SH3RF2: variants seen among roughly 807,000 people sequenced by gnomAD.
SH3RF2 encodes the protein SH3 domain containing ring finger 2, also known as E3 ubiquitin-protein ligase SH3RF2.
In SH3RF2, 43 loss-of-function variants were observed where a neutral mutation model predicts 59.0. That is an observed-to-expected ratio of 0.73 (90% confidence interval 0.57 to 0.94). The LOEUF is 0.94. Ranked by LOEUF, SH3RF2 falls within the 40% of genes least tolerant of loss-of-function variation. The pLI is 0.00. For missense variants in SH3RF2, 930 were observed against 940.1 expected (o/e 0.99, Z 0.14); for synonymous variants, 391 against 391.5 (o/e 1.00, Z 0.01).
At chr5:146,062,081 G>A (rs1175455037) in intron 9 of SH3RF2, among the ~76,000 whole-genome samples, 1 of 152,162 alleles carries the variant, frequency 6.6e-6, no homozygotes, top group African/African-American at 2.4e-5. Flanking sequence ...GAGAGGCAAG[G>A]TAAATTTCTT....
chr5:145,974,252 C>A (rs764557659), intron 2 of SH3RF2, among the ~76,000 whole-genome samples: 1 of 152,150 alleles, frequency 6.6e-6, no homozygotes, highest in Non-Finnish European at 1.5e-5. Context: ...GAGAGAGTGT[C>A]GAGCAAGACG....
chr5:146,049,006 T>G, intron 6 of SH3RF2, 69 bp from the exon 7 acceptor site: 1 of 1,563,002 alleles, frequency 6.4e-7, no homozygotes, highest in Non-Finnish European at 8.8e-7. Flanking sequence ...TCTCCACCAT[T>G]CCCCCACTCC....
intron 5 of SH3RF2, among the ~76,000 whole-genome samples, chr5:146,044,367 T>C (rs1762234485): frequency 6.6e-6 from 1 of 152,120 alleles, no homozygotes; most frequent in Non-Finnish European, 1.5e-5. Flanking sequence ...GTCAGGCTAG[T>C]CTCAAACTCC....
intron 5 of SH3RF2, among the ~76,000 whole-genome samples, chr5:146,023,089 T>A (rs1240823045): frequency 6.6e-6 from 1 of 152,136 alleles, no homozygotes; most frequent in African/African-American, 2.4e-5. Flanking sequence ...CCCTTAACCA[T>A]CTATACATTA....
chr5:146,013,808 A>G lies in SH3RF2; in HGVS notation c.806A>G (p.Lys269Arg). ...AAAGGTCGCCAGTCATCCCGCACAA[A>G]AAACCTGTCCCTGGTGTCCTCGTCC... Reference protein sequence around the residue: ...KNKGRQSSRTKNLSLVSSSSR... With the variant: ...KNKGRQSSRTRNLSLVSSSSR... The change falls in exon 5 of 10, where the codon AAA (lysine) becomes AGA (arginine). Residue 269 changes from lysine (K) to arginine (R), a missense_variant. Coordinates refer to ENST00000359120, the MANE Select transcript of SH3RF2 (RefSeq NM_152550.4). The G allele has an allele frequency of 6.2e-7, 1 of 1,614,128 alleles. No individual in the cohort carries two copies. Among genetic ancestry groups the G allele is most frequent in the Non-Finnish European group, 8.5e-7 (1 of 1,180,000 alleles).
intron 9 of SH3RF2, 84 bp from the exon 10 acceptor site, chr5:146,062,342 T>C: frequency 6.6e-7 from 1 of 1,506,832 alleles, no homozygotes; most frequent in Non-Finnish European, 9.0e-7. Context: ...AACACATAAA[T>C]GAGACATTTC....
At chr5:145,965,727 G>A (rs1459418383) in intron 2 of SH3RF2, among the ~76,000 whole-genome samples, 1 of 152,108 alleles carries the variant, frequency 6.6e-6, no homozygotes, top group Non-Finnish European at 1.5e-5. Context: ...AGACGACTAG[G>A]CCATTGGGTA....
intron 4 of SH3RF2, among the ~76,000 whole-genome samples, chr5:146,010,499 T>C (rs1237857631): frequency 6.6e-6 from 1 of 152,164 alleles, no homozygotes; most frequent in Admixed American, 6.5e-5. Flanking sequence ...CCAACAACAG[T>C]GTAAAAGTGT....
intron 2 of SH3RF2, among the ~76,000 whole-genome samples, chr5:145,993,823 C>A (rs760956829): frequency 6.6e-6 from 1 of 152,226 alleles, no homozygotes; most frequent in Non-Finnish European, 1.5e-5. Flanking sequence ...TCCCACCACC[C>A]CCCTGTCGTC....
intron 2 of SH3RF2, chr5:145,997,864 C>T (rs1006906680): frequency 2.1e-5 from 23 of 1,081,904 alleles, no homozygotes; most frequent in Admixed American, 6.8e-5. Flanking sequence ...TTGAAATGCT[C>T]AGTGCCCTTG....
chr5:146,051,822 A>G (rs957505269), intron 7 of SH3RF2, among the ~76,000 whole-genome samples: 1 of 152,228 alleles, frequency 6.6e-6, no homozygotes, highest in Non-Finnish European at 1.5e-5. Flanking sequence ...CTGAAACGAG[A>G]TGAGATCATC....
At chr5:145,971,598 A>T (rs1334189770) in intron 2 of SH3RF2, among the ~76,000 whole-genome samples, 3 of 152,222 alleles carry the variant, frequency 2.0e-5, no homozygotes, top group African/African-American at 7.2e-5. Context: ...CTAGGATGGG[A>T]AAGGCCCAGC....
intron 5 of SH3RF2, among the ~76,000 whole-genome samples, chr5:146,021,082 A>T (rs1323475089): frequency 6.6e-6 from 1 of 152,170 alleles, no homozygotes; most frequent in African/African-American, 2.4e-5. Flanking sequence ...ACTGTCTTTC[A>T]TAGGAGTCAC....
intron 2 of SH3RF2, among the ~76,000 whole-genome samples, chr5:145,942,084 C>T (rs1250320833): frequency 6.6e-6 from 1 of 152,300 alleles, no homozygotes; most frequent in African/African-American, 2.4e-5. Flanking sequence ...GTGCTGGCTT[C>T]GCAGCTCACT....
At chr5:145,969,735 TA>T (rs779217640) in intron 2 of SH3RF2, among the ~76,000 whole-genome samples, 190 of 141,052 alleles carry the variant, frequency 1.3e-3, no homozygotes, top group South Asian at 1.1e-3. Flanking sequence ...ACACTCTTTC[TA>T]AAAAAAAAAA....
At chr5:145,964,473 A>C in intron 2 of SH3RF2, among the ~76,000 whole-genome samples, 1 of 151,682 alleles carries the variant, frequency 6.6e-6, no homozygotes, top group Non-Finnish European at 1.5e-5. Flanking sequence ...CGCCCCGCTA[A>C]TTTTTGTATT....
At chr5:145,988,728 A>G (rs1436557925) in intron 2 of SH3RF2, among the ~76,000 whole-genome samples, 1 of 152,190 alleles carries the variant, frequency 6.6e-6, no homozygotes, top group East Asian at 1.9e-4. Flanking sequence ...TCCACTTGGT[A>G]AGATCACTGT....
At chr5:145,955,124 A>G (rs989718567) in intron 2 of SH3RF2, among the ~76,000 whole-genome samples, 1 of 152,172 alleles carries the variant, frequency 6.6e-6, no homozygotes, top group African/African-American at 2.4e-5. Flanking sequence ...TATACAAACT[A>G]TATCAGTAAC....
downstream of SH3RF2, among the ~76,000 whole-genome samples, chr5:146,065,138 T>C (rs558711950): frequency 5.2e-4 from 79 of 152,304 alleles, no homozygotes; most frequent in African/African-American, 1.9e-3. Context: ...GCTATCTCAA[T>C]CACGTTTGGG....
Sources: allele counts gnomAD v4.1 joint callset (sites outside exome capture counted in the v4.1 genomes callset), GRCh38; gene constraint gnomAD v4.1.1; transcripts MANE v1.5; gene names NCBI Gene and HGNC (gene_info 2026-07-23, HGNC 2026-07-21).